CACNA2D3: variants seen among roughly 807,000 people sequenced by gnomAD.
The protein encoded by CACNA2D3 is voltage-dependent calcium channel subunit alpha-2/delta-3.
In CACNA2D3, 60 loss-of-function variants were observed where a neutral mutation model predicts 160.6. That is an observed-to-expected ratio of 0.37 (90% CI 0.30 to 0.46). CACNA2D3 has a LOEUF of 0.46. Ranked by LOEUF, CACNA2D3 falls within the 20% of genes least tolerant of loss-of-function variation. The pLI, the probability that CACNA2D3 is intolerant of heterozygous loss-of-function variation, is 1.00. For missense variants in CACNA2D3, 1,205 were observed against 1,365.0 expected, an observed-to-expected ratio of 0.88 and a Z score of 1.85; for synonymous variants, 558 against 492.9, an observed-to-expected ratio of 1.13 and a Z score of -1.75.
At chr3:54,818,494 A>G (rs923812326) in intron 14 of CACNA2D3, among the ~76,000 whole-genome samples, 6 of 152,248 alleles carry the variant, frequency 3.9e-5, no homozygotes, top group Non-Finnish European at 8.8e-5. Context: ...ATTGTAAAAC[A>G]AAGTTCAAAA....
chr3:54,642,554 TG>T, intron 11 of CACNA2D3, among the ~76,000 whole-genome samples: 1 of 152,324 alleles, frequency 6.6e-6, no homozygotes, highest in Middle Eastern at 3.4e-3. Flanking sequence ...GAGGCAGAGC[TG>T]CATGTTGGGC....
At chr3:54,533,171 T>G (rs1371499376) in intron 5 of CACNA2D3, among the ~76,000 whole-genome samples, 1 of 152,126 alleles carries the variant, frequency 6.6e-6, no homozygotes, top group Non-Finnish European at 1.5e-5. Context: ...CCTAGCCTCA[T>G]TCCTGAAAGC....
At chr3:54,569,520 G>T (rs1301379106) in intron 6 of CACNA2D3, among the ~76,000 whole-genome samples, 2 of 152,178 alleles carry the variant, frequency 1.3e-5, no homozygotes, top group Non-Finnish European at 2.9e-5. Context: ...AGGAGCTGGA[G>T]TCACATACTC....
chr3:54,612,288 G>T (rs1384752577), intron 9 of CACNA2D3, among the ~76,000 whole-genome samples: 1 of 152,194 alleles, frequency 6.6e-6, no homozygotes, highest in African/African-American at 2.4e-5. Context: ...CGGTTTCAGG[G>T]CCTTCTCCTG....
intron 12 of CACNA2D3, among the ~76,000 whole-genome samples, chr3:54,760,184 A>C (rs1405089302): frequency 1.3e-5 from 2 of 152,210 alleles, no homozygotes; most frequent in Non-Finnish European, 2.9e-5. Context: ...GAAGGGACTG[A>C]TGCAGGGTGA....
At chr3:54,940,986 T>G (rs1701451826) in intron 27 of CACNA2D3, among the ~76,000 whole-genome samples, 1 of 152,180 alleles carries the variant, frequency 6.6e-6, no homozygotes, top group Non-Finnish European at 1.5e-5. Context: ...TTTCATAGAT[T>G]TAAAACCAGT....
chr3:54,573,609 G>T (rs929556407), intron 8 of CACNA2D3, among the ~76,000 whole-genome samples: 1 of 152,204 alleles, frequency 6.6e-6, no homozygotes, highest in East Asian at 1.9e-4. Flanking sequence ...TGAATGGAAT[G>T]CATATATTTT....
At chr3:54,952,123 CAT>C (rs1311908234) in intron 27 of CACNA2D3, among the ~76,000 whole-genome samples, 17 of 152,280 alleles carry the variant, frequency 1.1e-4, no homozygotes, top group African/African-American at 2.9e-4. Context: ...TGGGATTACA[CAT>C]GTTAGCCACT....
At chr3:55,033,793 A>T (rs1207118381) in intron 35 of CACNA2D3, among the ~76,000 whole-genome samples, 1 of 99,042 alleles carries the variant, frequency 1.0e-5, no homozygotes, top group African/African-American at 3.6e-5. Flanking sequence ...TATTAAATAT[A>T]TTTTATATAA....
chr3:54,367,022 C>G (rs1698838165), intron 3 of CACNA2D3, among the ~76,000 whole-genome samples: 1 of 152,176 alleles, frequency 6.6e-6, no homozygotes, highest in Non-Finnish European at 1.5e-5. Flanking sequence ...GGAATCCAGG[C>G]ACCTGCCAGG....
chr3:54,936,280 G>A (rs1393811710), intron 27 of CACNA2D3, among the ~76,000 whole-genome samples: 1 of 152,074 alleles, frequency 6.6e-6, no homozygotes. Flanking sequence ...AATCTGCTTG[G>A]TACAAAAACA....
At chr3:54,844,535 A>C (rs1349586590) in intron 16 of CACNA2D3, among the ~76,000 whole-genome samples, 1 of 152,084 alleles carries the variant, frequency 6.6e-6, no homozygotes, top group Non-Finnish European at 1.5e-5. Context: ...TTGTTTCCCT[A>C]CTTCCACCTT....
chr3:54,479,391 C>T (rs1275055221), intron 4 of CACNA2D3, among the ~76,000 whole-genome samples: 1 of 152,192 alleles, frequency 6.6e-6, no homozygotes, highest in Non-Finnish European at 1.5e-5. Context: ...CAGACATTGA[C>T]TGGGAGTCTT....
At chr3:54,204,499 G>A (rs1701235485) in intron 2 of CACNA2D3, among the ~76,000 whole-genome samples, 1 of 152,026 alleles carries the variant, frequency 6.6e-6, no homozygotes, top group African/African-American at 2.4e-5. Context: ...GGAATTCCAG[G>A]GAAATGGAGA....
At chr3:54,478,814 T>G (rs1334289293) in intron 4 of CACNA2D3, among the ~76,000 whole-genome samples, 1 of 150,434 alleles carries the variant, frequency 6.6e-6, no homozygotes, top group Admixed American at 6.6e-5. Context: ...TGTTGTGGTA[T>G]GGCAGTGCTT....
chr3:54,379,319 A>C (rs1203292710), intron 3 of CACNA2D3, among the ~76,000 whole-genome samples: 1 of 152,254 alleles, frequency 6.6e-6, no homozygotes, highest in East Asian at 1.9e-4. Flanking sequence ...TACAGGAACA[A>C]AGAAATAATG....
intron 9 of CACNA2D3, among the ~76,000 whole-genome samples, chr3:54,593,191 G>T (rs1164283217): frequency 6.6e-6 from 1 of 151,986 alleles, no homozygotes; most frequent in Admixed American, 6.5e-5. Context: ...GAAAAATTGA[G>T]AACAACCTAC....
chr3:54,350,433 TTCTC>T lies in CACNA2D3; in HGVS notation c.321+29881_321+29884del, dbSNP rs1698532377. Among the ~76,000 whole-genome samples the T allele has an allele frequency of 2.0e-5, 3 of 152,172 alleles. No homozygotes were observed. In the South Asian group the frequency reaches 6.2e-4, roughly 32 times the overall value. ...GAAGTGAAGAAGACAGATATGGCCT[TTCTC>T]TCTCTGGGCTTGAAGTCTGAGTGTC... On this transcript the variant is annotated intron_variant, in intron 3 of 37. Transcript: ENST00000474759.
At chr3:54,458,465 T>C (rs11717572) in intron 4 of CACNA2D3, among the ~76,000 whole-genome samples, 75,487 of 150,300 alleles carry the variant, frequency 0.5, 19,172 homozygotes, top group Non-Finnish European at 0.55. Flanking sequence ...TTTTTTTTTT[T>C]CCCTTTTACT....
Sources: gnomAD v4.1 joint callset for allele counts (sites outside exome capture counted in the v4.1 genomes callset) on GRCh38, gnomAD v4.1.1 for gene constraint, MANE v1.5 for transcripts, NCBI Gene and HGNC (gene_info 2026-07-23, HGNC 2026-07-21) for gene names.